The following SLC4A10 variants were observed in gnomAD, a reference collection of about 807,000 sequenced individuals.
SLC4A10 encodes solute carrier family 4 member 10, also known as sodium-driven chloride bicarbonate exchanger.
Under a neutral mutation model 137.7 loss-of-function variants are expected in SLC4A10, and 42 were observed. The ratio of observed to expected loss-of-function variants is 0.30; its 90% CI spans 0.24 to 0.39. The LOEUF is 0.39. Among genes scored for constraint, SLC4A10 ranks in the 10% least tolerant of loss-of-function variants. The pLI, the probability that SLC4A10 is intolerant of heterozygous loss-of-function variation, is 1.00. For synonymous variants in SLC4A10, 474 were observed against 464.1 expected (o/e 1.02, Z -0.27); for missense variants, 925 against 1,355.0 (o/e 0.68, Z 4.98).
intron 15 of SLC4A10, among the ~76,000 whole-genome samples, chr2:161,906,805 G>A (rs890984201): frequency 2.6e-5 from 4 of 152,046 alleles, no homozygotes; most frequent in African/African-American, 7.2e-5. Context: ...TAAGAATGAC[G>A]AAATGTTGGG....
chr2:161,835,660 A>T (rs2058719147), intron 3 of SLC4A10, among the ~76,000 whole-genome samples: 1 of 152,242 alleles, frequency 6.6e-6, no homozygotes, highest in African/African-American at 2.4e-5. Flanking sequence ...ATACAATTCC[A>T]GTCTTCTTTA....
rs569148491 is a variant in SLC4A10, at chr2:161,924,851, T to A, written c.1998-17941T>A. 2.0e-5 allele frequency among the ~76,000 whole-genome samples: 3 copies of A among 152,286 alleles called. No homozygotes were observed. In the South Asian group the frequency reaches 6.2e-4, roughly 32 times the overall value. The stretch of plus-strand genomic sequence containing the variant: ...CCACTTTGGAAAGCAGAGACCATGT[T>A]CTTGAGGGAGTAGTAAAGCAAAATG... On this transcript the variant is annotated intron_variant, in intron 15 of 26. Coordinates refer to ENST00000446997, the MANE Select transcript of SLC4A10 (RefSeq NM_001178015.2).
At chr2:161,958,346 C>T in intron 20 of SLC4A10, 141 bp from the exon 21 acceptor site, 1 of 643,972 alleles carries the variant, frequency 1.6e-6, no homozygotes, top group Non-Finnish European at 2.6e-6. Flanking sequence ...AGAGCTGGAA[C>T]TTGAATCCTT....
chr2:161,639,336 C>A (rs936927831), intron 1 of SLC4A10, among the ~76,000 whole-genome samples: 1 of 152,054 alleles, frequency 6.6e-6, no homozygotes, highest in East Asian at 1.9e-4. Flanking sequence ...AAGAAAACTA[C>A]AGACCAATAT....
intron 3 of SLC4A10, among the ~76,000 whole-genome samples, chr2:161,808,947 G>T (rs2056285396): frequency 6.6e-6 from 1 of 152,154 alleles, no homozygotes; most frequent in South Asian, 2.1e-4. Flanking sequence ...GGATTGCTGG[G>T]TTGAATGGTA....
chr2:161,843,309 G>A (rs2059302026), intron 4 of SLC4A10, among the ~76,000 whole-genome samples: 1 of 152,068 alleles, frequency 6.6e-6, no homozygotes, highest in South Asian at 2.1e-4. Context: ...ATGCTCTAAT[G>A]GATTAACTCA....
chr2:161,717,552 C>A (rs779363280), intron 1 of SLC4A10, among the ~76,000 whole-genome samples: 1 of 152,026 alleles, frequency 6.6e-6, no homozygotes, highest in Non-Finnish European at 1.5e-5. Context: ...GAGATAATCA[C>A]GTGGCTTTTT....
intron 1 of SLC4A10, among the ~76,000 whole-genome samples, chr2:161,729,459 G>A (rs978134702): frequency 2.0e-5 from 3 of 151,976 alleles, no homozygotes; most frequent in African/African-American, 7.3e-5. Context: ...TGATTGTGAT[G>A]GTGATTATAG....
chr2:161,691,801 T>C (rs1011684633), intron 1 of SLC4A10, among the ~76,000 whole-genome samples: 1 of 152,126 alleles, frequency 6.6e-6, no homozygotes, highest in Non-Finnish European at 1.5e-5. Flanking sequence ...TTGTTGAATG[T>C]TTATATATTC....
intron 1 of SLC4A10, among the ~76,000 whole-genome samples, chr2:161,697,519 C>T (rs1457551175): frequency 6.6e-6 from 1 of 152,114 alleles, no homozygotes; most frequent in Non-Finnish European, 1.5e-5. Context: ...CAACTTTCTA[C>T]ATATGGCTAG....
rs2105819876 is a variant in SLC4A10 at position 161,950,671 on chromosome 2, TCTTTA to T, written c.2380-10_2380-6del. The stretch of plus-strand genomic sequence containing the variant: ...TAATCCAGTTCATAACTATGCACAT[TCTTTA>T]CTTTATACAGCCCACTAGAGATGAT... On this transcript the variant is annotated splice_polypyrimidine_tract_variant and intron_variant, in intron 18 of 26. Coordinates refer to ENST00000446997, the MANE Select transcript of SLC4A10 (RefSeq NM_001178015.2). 1 of 1,570,168 alleles carries T rather than the reference TCTTTA, an allele frequency of 6.4e-7. No homozygotes were observed. Among genetic ancestry groups the T allele is most frequent in the East Asian group, 2.3e-5 (1 of 43,118 alleles).
At chr2:161,653,532 C>T (rs1007194306) in intron 1 of SLC4A10, among the ~76,000 whole-genome samples, 24 of 152,268 alleles carry the variant, frequency 1.6e-4, no homozygotes, top group East Asian at 1.2e-3. Flanking sequence ...TTTTAATAAT[C>T]GCCATTCTAA....
intron 16 of SLC4A10, among the ~76,000 whole-genome samples, chr2:161,943,368 G>A (rs946633019): frequency 6.6e-6 from 1 of 151,936 alleles, no homozygotes; most frequent in Non-Finnish European, 1.5e-5. Context: ...CAAAATTCTG[G>A]CACCTCCCTC....
chr2:161,797,957 C>T (rs2054956576), intron 2 of SLC4A10, among the ~76,000 whole-genome samples: 1 of 151,992 alleles, frequency 6.6e-6, no homozygotes, highest in South Asian at 2.1e-4. Context: ...TAAATACCTT[C>T]CCAGGGTCAG....
intron 1 of SLC4A10, among the ~76,000 whole-genome samples, chr2:161,740,441 T>G (rs2047768081): frequency 6.6e-6 from 1 of 152,212 alleles, no homozygotes; most frequent in Non-Finnish European, 1.5e-5. Context: ...AGTATTTCTC[T>G]GACATCACCC....
chr2:161,883,935 A>G (rs550861162), intron 10 of SLC4A10, among the ~76,000 whole-genome samples: 31 of 152,284 alleles, frequency 2.0e-4, no homozygotes, highest in Non-Finnish European at 3.8e-4. Flanking sequence ...ACATCTGCAA[A>G]AATCCTTATT....
At chr2:161,873,809 G>A (rs1193908565) in intron 7 of SLC4A10, 107 bp from the exon 8 acceptor site, 2 of 1,116,520 alleles carry the variant, frequency 1.8e-6, no homozygotes, top group Non-Finnish European at 2.6e-6. Context: ...CTCTGACAAT[G>A]CCTAAATAAT....
At chr2:161,741,611 G>A (rs1169406635) in intron 1 of SLC4A10, among the ~76,000 whole-genome samples, 1 of 152,112 alleles carries the variant, frequency 6.6e-6, no homozygotes, top group Non-Finnish European at 1.5e-5. Context: ...TGTTTACCTA[G>A]CACAATGTAC....
At chr2:161,625,901 C>T (rs933331707) in intron 1 of SLC4A10, among the ~76,000 whole-genome samples, 3 of 151,720 alleles carry the variant, frequency 2.0e-5, no homozygotes, top group Admixed American at 2.0e-4. Flanking sequence ...AGAAAGGGAA[C>T]AGGAGAAAGA....
Sources: gnomAD v4.1 joint callset for allele counts (sites outside exome capture counted in the v4.1 genomes callset) on GRCh38, gnomAD v4.1.1 for gene constraint, MANE v1.5 for transcripts, NCBI Gene and HGNC (gene_info 2026-07-23, HGNC 2026-07-21) for gene names.